The following SIAH1 variants were observed in gnomAD, a reference collection of about 807,000 sequenced individuals.
SIAH1 encodes siah E3 ubiquitin protein ligase 1.
In SIAH1, 2 loss-of-function variants were observed where a neutral mutation model predicts 20.0. The observed-to-expected ratio is 0.10, with a 90% CI of 0.04 to 0.31. SIAH1 has a LOEUF of 0.31. Ranked by LOEUF, SIAH1 falls within the 10% of genes least tolerant of loss-of-function variation. SIAH1 has a pLI of 1.00. For synonymous variants in SIAH1, 118 were observed against 125.3 expected (o/e 0.94, Z 0.39); for missense variants, 119 against 355.3 (o/e 0.33, Z 5.35).
intron 1 of SIAH1, among the ~76,000 whole-genome samples, chr16:48,373,760 G>A (rs1961038467): frequency 6.6e-6 from 1 of 152,216 alleles, no homozygotes; most frequent in East Asian, 1.9e-4. Flanking sequence ...CCATGTTAGA[G>A]TAAAAGCTGA....
intron 1 of SIAH1, among the ~76,000 whole-genome samples, chr16:48,383,067 A>G (rs1296800173): frequency 6.6e-6 from 1 of 152,258 alleles, no homozygotes; most frequent in Non-Finnish European, 1.5e-5. Context: ...TAGAGGGAAT[A>G]GATTAATATT....
At chr16:48,371,922 A>T (rs1380567704) in intron 1 of SIAH1, among the ~76,000 whole-genome samples, 3 of 152,088 alleles carry the variant, frequency 2.0e-5, no homozygotes, top group Non-Finnish European at 4.4e-5. Flanking sequence ...TACTTATAAA[A>T]TTCATGGTAC....
chr16:48,384,307 G>C lies in SIAH1; in HGVS notation c.-3+897C>G, dbSNP rs150876465. Among the ~76,000 whole-genome samples, 68 of 152,152 alleles carry C rather than the reference G, an allele frequency of 4.5e-4. No homozygotes were observed. In the East Asian group the frequency reaches 0.013, roughly 28 times the overall value. ...AGAAGTACACACAATCTGATTTTCC[G>C]AACACCCAAGCTGGACTTTTCTGAA... is the stretch of plus-strand genomic sequence containing the variant. On this transcript the variant is annotated intron_variant, in intron 1 of 1. Transcript: ENST00000394725.
upstream of SIAH1, among the ~76,000 whole-genome samples, chr16:48,386,054 A>G (rs1426118041): frequency 6.6e-6 from 1 of 152,160 alleles, no homozygotes; most frequent in Non-Finnish European, 1.5e-5. Context: ...TCCTGTGTCC[A>G]TGCTCATCTG....
chr16:48,380,721 C>A (rs1597033429), intron 1 of SIAH1, among the ~76,000 whole-genome samples: 1 of 151,708 alleles, frequency 6.6e-6, no homozygotes, highest in Non-Finnish European at 1.5e-5. Flanking sequence ...GTCAGGAGTT[C>A]GAGACTGACC....
intron 1 of SIAH1, among the ~76,000 whole-genome samples, chr16:48,375,286 A>G (rs1223086495): frequency 6.6e-6 from 1 of 152,240 alleles, no homozygotes; most frequent in Non-Finnish European, 1.5e-5. Context: ...CCTTCTTTAA[A>G]TAAAATGGAC....
intron 1 of SIAH1, among the ~76,000 whole-genome samples, chr16:48,382,875 T>C (rs1265760123): frequency 1.3e-5 from 2 of 152,200 alleles, no homozygotes; most frequent in African/African-American, 4.8e-5. Flanking sequence ...GTTACCCTAG[T>C]TATGTAAGAT....
At chr16:48,384,651 G>C (rs990205151) in intron 1 of SIAH1, among the ~76,000 whole-genome samples, 62 of 151,230 alleles carry the variant, frequency 4.1e-4, no homozygotes, top group African/African-American at 1.4e-3. Flanking sequence ...CTCCAGCCGG[G>C]GGTCGGGGGC....
chr16:48,365,742 C>T, intron 1 of SIAH1: 2 of 1,376,726 alleles, frequency 1.5e-6, no homozygotes, highest in Non-Finnish European at 1.9e-6. Context: ...CCAATGTGCC[C>T]TAAGCTTTCG....
rs1053146766 is a variant in SIAH1, at chr16:48,365,480, G to C, written c.-2-3050C>G. On this transcript the variant is annotated intron_variant, in intron 1 of 1. Coordinates refer to ENST00000394725, the MANE Select transcript of SIAH1 (RefSeq NM_003031.4). ...GGTGGAGTAGCCTTTCCCGTCATGA[G>C]AAGTCAGGCCACGCATTGCGTTTCC... 3.7e-6 allele frequency: 6 copies of C among 1,612,618 alleles called. No individual in the cohort carries two copies. The African/African-American group carries it at 8.0e-5, about 22-fold the overall frequency.
intron 1 of SIAH1, among the ~76,000 whole-genome samples, chr16:48,369,260 T>A (rs374018632): frequency 2.0e-5 from 3 of 152,346 alleles, no homozygotes; most frequent in South Asian, 2.1e-4. Flanking sequence ...TCTGAAAACT[T>A]TGCAGCTACA....
At chr16:48,371,624 T>G (rs1428117753) in intron 1 of SIAH1, among the ~76,000 whole-genome samples, 1 of 152,244 alleles carries the variant, frequency 6.6e-6, no homozygotes, top group East Asian at 1.9e-4. Flanking sequence ...TTCAACTTTT[T>G]ATTTCATACC....
chr16:48,374,865 T>C (rs1961066292), intron 1 of SIAH1, among the ~76,000 whole-genome samples: 1 of 152,194 alleles, frequency 6.6e-6, no homozygotes, highest in Non-Finnish European at 1.5e-5. Context: ...GCAGTGTTAC[T>C]AACTAAATTA....
At chr16:48,363,230 A>G (rs1277707743) in intron 1 of SIAH1, 2 of 167,058 alleles carry the variant, frequency 1.2e-5, no homozygotes, top group Admixed American at 6.5e-5. Flanking sequence ...ATGGTAAGCA[A>G]TTATCTACTC....
At chr16:48,385,023 C>A (rs1011564706) in intron 1 of SIAH1, among the ~76,000 whole-genome samples, 181 bp downstream of exon 1, 1 of 147,674 alleles carries the variant, frequency 6.8e-6, no homozygotes, top group Non-Finnish European at 1.5e-5. Flanking sequence ...AGGGGAGGGG[C>A]GGGGGGCGGC....
intron 1 of SIAH1, among the ~76,000 whole-genome samples, chr16:48,376,453 A>C (rs1387976424): frequency 6.6e-6 from 1 of 152,088 alleles, no homozygotes; most frequent in Non-Finnish European, 1.5e-5. Context: ...AAAAAACTAC[A>C]TATTTTGTAG....
intron 1 of SIAH1, among the ~76,000 whole-genome samples, chr16:48,368,984 G>T (rs1375196978): frequency 3.3e-5 from 5 of 152,108 alleles, no homozygotes; most frequent in East Asian, 1.9e-4. Flanking sequence ...ATTGTGGCAG[G>T]TATTATGTAG....
chr16:48,385,428 C>A (rs1451152804), upstream of SIAH1: 3 of 153,142 alleles, frequency 2.0e-5, no homozygotes, highest in Admixed American at 2.0e-4. Flanking sequence ...CCGCCGCGCG[C>A]CCCCGCTAAA....
rs2151057527 is a variant in SIAH1, at chr16:48,385,274, G to A, written c.-73C>T. The A allele has an allele frequency of 6.4e-6, 2 of 313,264 alleles. No homozygotes were observed. The highest frequency in any genetic ancestry group is 1.6e-4 in the East Asian group (1 of 6,152). The allele number at this position is 313,264 out of a possible 1,614,324, so 19.4% of individuals were successfully genotyped here. ...CGCTCCGTCGCCAACCCCCGCCACCGCGGGCAGCGCCACCGCCTCTTCCCG... is the reference window on the plus strand; with the variant it reads ...CGCTCCGTCGCCAACCCCCGCCACCACGGGCAGCGCCACCGCCTCTTCCCG... On this transcript the variant is annotated 5_prime_UTR_variant, in exon 1 of 2. Transcript: ENST00000394725.
Sources: allele counts gnomAD v4.1 joint callset (sites outside exome capture counted in the v4.1 genomes callset), GRCh38; gene constraint gnomAD v4.1.1; transcripts MANE v1.5; gene names NCBI Gene and HGNC (gene_info 2026-07-23, HGNC 2026-07-21).